Variants in CPNE4 observed in about 807,000 individuals in gnomAD.
CPNE4 encodes the protein copine 4.
Under a neutral mutation model 67.9 loss-of-function variants are expected in CPNE4, and 25 were observed. That is an observed-to-expected ratio of 0.37 (90% confidence interval 0.27 to 0.51). The LOEUF (loss-of-function observed/expected upper bound fraction) is 0.51. Among genes scored for constraint, CPNE4 ranks in the 20% least tolerant of loss-of-function variants. The pLI is 0.93. For synonymous variants in CPNE4, 242 were observed against 244.9 expected, an observed-to-expected ratio of 0.99 and a Z score of 0.11; for missense variants, 464 against 690.8, an observed-to-expected ratio of 0.67 and a Z score of 3.68.
At chr3:132,004,583 A>G (rs1039650398) in intron 1 of CPNE4, among the ~76,000 whole-genome samples, 1 of 152,190 alleles carries the variant, frequency 6.6e-6, no homozygotes, top group African/African-American at 2.4e-5. Flanking sequence ...ACATTAAAAA[A>G]AAGCAAGAAC....
rs1311388945 is a variant in CPNE4 at position 131,834,766 on chromosome 3, CAAA to C, written c.180+70495_180+70497del. Among the ~76,000 whole-genome samples the C allele has an allele frequency of 7.9e-5, 12 of 151,828 alleles. No homozygotes were observed. In the East Asian group the frequency reaches 2.1e-3, roughly 27 times the overall value. Reference sequence around the variant, plus strand: ...ATAGATTTATGCAAAATAATGAAAACAAAAAGAAAACCTGGAGAAATTACTTGA... The same window carrying C: ...ATAGATTTATGCAAAATAATGAAAACAAGAAAACCTGGAGAAATTACTTGA... On this transcript the variant is annotated intron_variant, in intron 2 of 15. Transcript: ENST00000429747.
At chr3:131,833,743 A>G (rs896020630) in intron 2 of CPNE4, among the ~76,000 whole-genome samples, 8 of 152,194 alleles carry the variant, frequency 5.3e-5, no homozygotes, top group Non-Finnish European at 8.8e-5. Flanking sequence ...GCTCAAGGAC[A>G]ATTCCTCAAA....
At chr3:131,815,413 C>T (rs773415690) in intron 2 of CPNE4, among the ~76,000 whole-genome samples, 12 of 152,202 alleles carry the variant, frequency 7.9e-5, no homozygotes, top group Non-Finnish European at 1.5e-4. Flanking sequence ...CGCATTCACA[C>T]ACAAGATTTA....
chr3:131,745,761 C>T, intron 2 of CPNE4, among the ~76,000 whole-genome samples: 1 of 151,988 alleles, frequency 6.6e-6, no homozygotes, highest in East Asian at 1.9e-4. Flanking sequence ...TATGGGTATA[C>T]CCTTCTGCCA....
intron 9 of CPNE4, among the ~76,000 whole-genome samples, chr3:131,579,804 A>T (rs1329727896): frequency 6.6e-6 from 1 of 152,340 alleles, no homozygotes; most frequent in South Asian, 2.1e-4. Context: ...ATGAGGAGTT[A>T]ATTCTCATGG....
chr3:131,811,756 C>T lies in CPNE4; in HGVS notation c.181-88131G>A, dbSNP rs866279131. 4.6e-5 allele frequency among the ~76,000 whole-genome samples: 7 copies of T among 152,236 alleles called. No homozygotes were observed. The East Asian group carries it at 1.3e-3, about 29-fold the overall frequency. The stretch of plus-strand genomic sequence containing the variant: ...ATGAAACATTTCAAAATAAAGAGTA[C>T]ATCAATACTTAGGAAGCATGGATAT... On this transcript the variant is annotated intron_variant, in intron 2 of 15. Coordinates refer to ENST00000429747, the MANE Select transcript of CPNE4 (RefSeq NM_130808.3).
At chr3:132,013,948 A>G (rs1469296770) in intron 1 of CPNE4, among the ~76,000 whole-genome samples, 1 of 152,212 alleles carries the variant, frequency 6.6e-6, no homozygotes, top group African/African-American at 2.4e-5. Flanking sequence ...AATATAGGTG[A>G]TCAATAAGTA....
In CPNE4 at chr3:131,616,560, T is replaced by A. The variant is rs140196970; in HGVS notation, c.682-28978A>T. ...AAGCAACATAAACTCCTATGAAAAGTTCCTAGTGACAGATTTGGCACACAG... is the reference window on the plus strand; with the variant it reads ...AAGCAACATAAACTCCTATGAAAAGATCCTAGTGACAGATTTGGCACACAG... On this transcript the variant is annotated intron_variant, in intron 7 of 15. Transcript: ENST00000429747. Among the ~76,000 whole-genome samples, 498 of 152,312 alleles carry A rather than the reference T, an allele frequency of 3.3e-3. 2 individuals are homozygous for A. The highest frequency in any genetic ancestry group is 0.011 in the African/African-American group (456 of 41,566).
chr3:131,766,358 A>G (rs1392451162), intron 2 of CPNE4, among the ~76,000 whole-genome samples: 1 of 152,098 alleles, frequency 6.6e-6, no homozygotes, highest in Non-Finnish European at 1.5e-5. Context: ...CCGTGGTGGA[A>G]TTCTTCCAGG....
chr3:131,808,539 T>A (rs2084407680), intron 2 of CPNE4, among the ~76,000 whole-genome samples: 1 of 152,176 alleles, frequency 6.6e-6, no homozygotes, highest in South Asian at 2.1e-4. Flanking sequence ...AGATGGGAGA[T>A]AATTATTTTT....
At chr3:131,913,178 G>A (rs1375624883) in intron 1 of CPNE4, among the ~76,000 whole-genome samples, 6 of 152,260 alleles carry the variant, frequency 3.9e-5, no homozygotes, top group Non-Finnish European at 1.5e-5. Context: ...TGGTCAGGCA[G>A]TTGTCACACT....
intron 2 of CPNE4, among the ~76,000 whole-genome samples, chr3:131,820,114 C>G (rs1050123978): frequency 1.3e-5 from 2 of 152,146 alleles, no homozygotes; most frequent in African/African-American, 4.8e-5. Context: ...CTAAAACAAT[C>G]CAATATAAAA....
chr3:131,760,461 A>C (rs1311931510), intron 2 of CPNE4, among the ~76,000 whole-genome samples: 1 of 152,178 alleles, frequency 6.6e-6, no homozygotes, highest in Admixed American at 6.6e-5. Flanking sequence ...GAGGAAAAAA[A>C]AACTATTTCC....
intron 1 of CPNE4, among the ~76,000 whole-genome samples, chr3:131,953,857 A>T (rs1385562884): frequency 6.6e-6 from 1 of 152,202 alleles, no homozygotes; most frequent in East Asian, 1.9e-4. Context: ...ATTAACAATC[A>T]TTTCTCATAT....
intron 1 of CPNE4, among the ~76,000 whole-genome samples, chr3:131,980,527 G>A (rs1345871137): frequency 6.6e-6 from 1 of 152,038 alleles, no homozygotes. Context: ...CTAAAAGTGT[G>A]CTCAAAGTTC....
At chr3:131,586,696 T>G (rs1420895295) in intron 8 of CPNE4, among the ~76,000 whole-genome samples, 1 of 152,016 alleles carries the variant, frequency 6.6e-6, no homozygotes, top group Non-Finnish European at 1.5e-5. Context: ...AGAAGTTGCA[T>G]GATTTGGGCC....
chr3:132,024,916 C>T (rs2074084603), intron 1 of CPNE4, among the ~76,000 whole-genome samples: 1 of 152,110 alleles, frequency 6.6e-6, no homozygotes, highest in Non-Finnish European at 1.5e-5. Flanking sequence ...GGCTTGTCTA[C>T]ATAAAGTAAA....
At chr3:131,585,881 G>T (rs1241167291) in intron 8 of CPNE4, among the ~76,000 whole-genome samples, 1 of 152,152 alleles carries the variant, frequency 6.6e-6, no homozygotes, top group African/African-American at 2.4e-5. Flanking sequence ...TGGTCTCTGG[G>T]TGTTTGACAA....
chr3:131,629,358 A>G (rs2079162260), intron 7 of CPNE4, among the ~76,000 whole-genome samples: 1 of 151,188 alleles, frequency 6.6e-6, no homozygotes. Context: ...GGCATTTTTT[A>G]GCAAGAATAT....
Sources: allele counts gnomAD v4.1 joint callset (sites outside exome capture counted in the v4.1 genomes callset), GRCh38; gene constraint gnomAD v4.1.1; transcripts MANE v1.5; gene names NCBI Gene and HGNC (gene_info 2026-07-23, HGNC 2026-07-21).